STK39: variants seen among roughly 807,000 people sequenced by gnomAD.
STK39 encodes the protein serine/threonine kinase 39.
In STK39, 20 loss-of-function variants were observed where a neutral mutation model predicts 77.8. The observed-to-expected ratio is 0.26, with a 90% CI of 0.18 to 0.37. The LOEUF is 0.37. Ranked by LOEUF, STK39 falls within the 10% of genes least tolerant of loss-of-function variation. The pLI is 1.00. For missense variants in STK39, 479 were observed against 656.5 expected (o/e 0.73, Z 2.95); for synonymous variants, 246 against 234.1 (o/e 1.05, Z -0.47).
intron 10 of STK39, among the ~76,000 whole-genome samples, chr2:168,120,028 G>C (rs968398816): frequency 2.0e-5 from 3 of 152,166 alleles, no homozygotes; most frequent in Non-Finnish European, 2.9e-5. Context: ...AAAACTAGGA[G>C]ATATTTGTGG....
chr2:167,990,006 CAAT>C (rs1371080949), intron 16 of STK39, among the ~76,000 whole-genome samples: 5 of 151,252 alleles, frequency 3.3e-5, no homozygotes, highest in African/African-American at 1.2e-4. Context: ...CTAAAACGAC[CAAT>C]AATAATCATC....
chr2:168,203,971 A>G (rs542036769), intron 1 of STK39, among the ~76,000 whole-genome samples: 8 of 152,338 alleles, frequency 5.3e-5, no homozygotes, highest in Middle Eastern at 3.4e-3. Flanking sequence ...GAAACATGGG[A>G]AAAGAAAGGG....
intron 1 of STK39, among the ~76,000 whole-genome samples, chr2:168,229,794 G>A (rs1690405974): frequency 6.6e-6 from 1 of 152,094 alleles, no homozygotes. Context: ...AAGAAAGTCA[G>A]TCTGGAATAA....
intron 14 of STK39, among the ~76,000 whole-genome samples, chr2:168,037,121 A>G (rs1231764626): frequency 6.6e-6 from 1 of 152,160 alleles, no homozygotes; most frequent in Non-Finnish European, 1.5e-5. Flanking sequence ...AGAGTGAGTT[A>G]TTTTATTGGG....
At chr2:168,211,055 T>C (rs1174919270) in intron 1 of STK39, among the ~76,000 whole-genome samples, 3 of 152,208 alleles carry the variant, frequency 2.0e-5, no homozygotes, top group South Asian at 4.1e-4. Context: ...GTTTTCTCTA[T>C]TTACGTAATC....
intron 16 of STK39, among the ~76,000 whole-genome samples, chr2:168,002,721 T>A (rs1684032198): frequency 6.6e-6 from 1 of 152,232 alleles, no homozygotes; most frequent in Non-Finnish European, 1.5e-5. Context: ...TTTACTTTAG[T>A]CTGTCTTTCT....
chr2:168,140,548 G>A, intron 6 of STK39, 101 bp downstream of exon 6: 3 of 1,158,346 alleles, frequency 2.6e-6, no homozygotes, highest in Non-Finnish European at 3.8e-6. Context: ...GTTACATTAT[G>A]CATTCTACTA....
chr2:168,228,215 C>A (rs1473461227), intron 1 of STK39, among the ~76,000 whole-genome samples: 2 of 152,156 alleles, frequency 1.3e-5, no homozygotes, highest in African/African-American at 4.8e-5. Flanking sequence ...GAAATAAAAT[C>A]ACTTTTGCCA....
chr2:167,988,996 A>G (rs1254716400), intron 16 of STK39, among the ~76,000 whole-genome samples: 1 of 152,134 alleles, frequency 6.6e-6, no homozygotes, highest in African/African-American at 2.4e-5. Flanking sequence ...GCTCACCCCC[A>G]CAGAACAAGG....
intron 10 of STK39, among the ~76,000 whole-genome samples, chr2:168,093,387 A>T (rs4667555): frequency 0.42 from 64,049 of 152,000 alleles, 13,841 homozygotes; most frequent in East Asian, 0.54. Context: ...CTAAAGCAAC[A>T]TCTTACATGG....
intron 14 of STK39, among the ~76,000 whole-genome samples, chr2:168,053,611 G>A (rs971797956): frequency 2.6e-5 from 4 of 152,108 alleles, no homozygotes; most frequent in African/African-American, 9.7e-5. Context: ...TACTCACAAT[G>A]TCCTCTTGCT....
intron 16 of STK39, among the ~76,000 whole-genome samples, chr2:168,006,695 C>T (rs905447544): frequency 1.3e-5 from 2 of 152,188 alleles, no homozygotes; most frequent in Non-Finnish European, 2.9e-5. Context: ...AACACCCACC[C>T]GCGAGGCCTT....
intron 16 of STK39, among the ~76,000 whole-genome samples, chr2:167,965,590 A>G (rs1170238153): frequency 6.6e-6 from 1 of 152,236 alleles, no homozygotes; most frequent in Admixed American, 6.5e-5. Flanking sequence ...TTCCATGTCC[A>G]CACCTGAAGT....
chr2:168,171,222 C>T (rs6743611), intron 2 of STK39, among the ~76,000 whole-genome samples: 65,573 of 151,912 alleles, frequency 0.43, 16,194 homozygotes, highest in East Asian at 0.77. Flanking sequence ...CCCCTATCCA[C>T]CTGCTAGAAC....
intron 10 of STK39, among the ~76,000 whole-genome samples, chr2:168,080,465 T>TA (rs1308611214): frequency 6.6e-6 from 1 of 151,846 alleles, no homozygotes; most frequent in Non-Finnish European, 1.5e-5. Flanking sequence ...CCGTCTCCAC[T>TA]AAAAATACAA....
intron 1 of STK39, among the ~76,000 whole-genome samples, chr2:168,183,002 T>G (rs1689121910): frequency 6.6e-6 from 1 of 152,212 alleles, no homozygotes; most frequent in African/African-American, 2.4e-5. Context: ...GTAATACTTC[T>G]CAAATGATTC....
At chr2:167,959,551 T>A (rs1691885114) in intron 17 of STK39, among the ~76,000 whole-genome samples, 1 of 152,096 alleles carries the variant, frequency 6.6e-6, no homozygotes, top group Non-Finnish European at 1.5e-5. Flanking sequence ...TGATGTTTCA[T>A]GAAGAAAGAA....
At chr2:168,197,411 T>C (rs934559547) in intron 1 of STK39, among the ~76,000 whole-genome samples, 10 of 152,226 alleles carry the variant, frequency 6.6e-5, no homozygotes, top group African/African-American at 2.4e-4. Flanking sequence ...ATGTTCTGCA[T>C]GCTCCAGATG....
chr2:168,195,952 G>GATTGCAGTGGGCCAAGATCGTGCC (rs1689458799), intron 1 of STK39, among the ~76,000 whole-genome samples: 2 of 152,202 alleles, frequency 1.3e-5, no homozygotes, highest in African/African-American at 2.4e-5. Context: ...GGGAGGTGGA[G>GATTGCAGTGGGCCAAGATCGTGCC]ATTGCAGTGG....
Sources: allele counts gnomAD v4.1 joint callset (sites outside exome capture counted in the v4.1 genomes callset), GRCh38; gene constraint gnomAD v4.1.1; transcripts MANE v1.5; gene names NCBI Gene and HGNC (gene_info 2026-07-23, HGNC 2026-07-21).